Variants in RALYL observed in about 807,000 individuals in gnomAD.
RALYL encodes the protein RNA-binding Raly-like protein.
Under a neutral mutation model 35.1 loss-of-function variants are expected in RALYL, and 29 were observed. The ratio of observed to expected loss-of-function variants is 0.83; its 90% CI spans 0.61 to 1.13. The LOEUF (loss-of-function observed/expected upper bound fraction) is 1.13, where lower values mean the gene tolerates loss of function less well. Ranked by LOEUF, RALYL falls within the 50% of genes most tolerant of loss-of-function variation. The pLI, the probability that RALYL is intolerant of heterozygous loss-of-function variation, is 0.00. For missense variants in RALYL, 359 were observed against 360.4 expected (o/e 1.00, Z 0.03); for synonymous variants, 120 against 127.6 (o/e 0.94, Z 0.40).
intron 4 of RALYL, among the ~76,000 whole-genome samples, chr8:84,824,341 C>G (rs557858360): frequency 2.0e-5 from 3 of 151,242 alleles, no homozygotes; most frequent in Non-Finnish European, 4.4e-5. Context: ...CTACAAAACA[C>G]TGTTCAAAGA....
intron 1 of RALYL, among the ~76,000 whole-genome samples, chr8:84,348,618 G>A (rs1205001142): frequency 6.6e-6 from 1 of 151,976 alleles, no homozygotes; most frequent in Non-Finnish European, 1.5e-5. Flanking sequence ...CTGCTTTATC[G>A]ACCGTAAACA....
chr8:84,910,126 C>T (rs113762279), intron 8 of RALYL, among the ~76,000 whole-genome samples: 1,746 of 152,214 alleles, frequency 0.011, 20 homozygotes, highest in Middle Eastern at 0.031. Context: ...CTTAGCACAC[C>T]TACACAATGC....
intron 2 of RALYL, among the ~76,000 whole-genome samples, chr8:84,673,983 C>A (rs1833738606): frequency 6.6e-6 from 1 of 152,108 alleles, no homozygotes; most frequent in South Asian, 2.1e-4. Flanking sequence ...TGGCTATTTT[C>A]ATGATATTGA....
intron 2 of RALYL, among the ~76,000 whole-genome samples, chr8:84,590,816 A>G (rs551666221): frequency 2.1e-4 from 32 of 152,272 alleles, no homozygotes; most frequent in African/African-American, 7.5e-4. Flanking sequence ...GGAAGTAATG[A>G]TTATATGACT....
intron 1 of RALYL, among the ~76,000 whole-genome samples, chr8:84,240,108 C>CA (rs1455288226): frequency 6.6e-6 from 1 of 151,956 alleles, no homozygotes; most frequent in Non-Finnish European, 1.5e-5. Context: ...CACTGTTTGA[C>CA]AATATTATTG....
chr8:84,418,776 TA>T (rs146444612), intron 1 of RALYL, among the ~76,000 whole-genome samples: 4,459 of 152,266 alleles, frequency 0.029, 217 homozygotes, highest in African/African-American at 0.1. Context: ...ACCATTAGTT[TA>T]TTTAAGTTCA....
At position 84,840,155 on chromosome 8, in the gene RALYL, C is replaced by T. The variant is rs191921268; in HGVS notation, c.366-9825C>T. Among the ~76,000 whole-genome samples the T allele has an allele frequency of 1.1e-3, 166 of 151,714 alleles. 1 individual carries two copies. The highest frequency in any genetic ancestry group is 3.3e-3 in the African/African-American group (137 of 41,366). On this transcript the variant is annotated intron_variant, in intron 4 of 8. Coordinates refer to ENST00000521268, the MANE Select transcript of RALYL (RefSeq NM_173848.7). Reference sequence around the variant, plus strand: ...CGAGTTGAGAGAATAAGGCTTCAGACGATCAAACTACTCCGAGCTAAAGGA... The same window carrying T: ...CGAGTTGAGAGAATAAGGCTTCAGATGATCAAACTACTCCGAGCTAAAGGA...
At chr8:84,668,723 T>G (rs1832580734) in intron 2 of RALYL, among the ~76,000 whole-genome samples, 1 of 152,160 alleles carries the variant, frequency 6.6e-6, no homozygotes, top group Admixed American at 6.6e-5. Flanking sequence ...AACATAATTT[T>G]GTTATGATGA....
intron 4 of RALYL, among the ~76,000 whole-genome samples, chr8:84,840,494 G>A (rs147812435): frequency 1.2e-4 from 18 of 152,208 alleles, no homozygotes; most frequent in Non-Finnish European, 2.1e-4. Context: ...CGCCTGACTG[G>A]TGTACCTGAA....
At chr8:84,335,762 C>T (rs1285888319) in intron 1 of RALYL, among the ~76,000 whole-genome samples, 6 of 99,886 alleles carry the variant, frequency 6.0e-5, no homozygotes, top group African/African-American at 2.1e-4. Flanking sequence ...ATTTGCTCAT[C>T]TTACTTGGTG....
intron 4 of RALYL, among the ~76,000 whole-genome samples, chr8:84,809,207 G>C (rs181362713): frequency 3.9e-4 from 59 of 152,172 alleles, no homozygotes; most frequent in Non-Finnish European, 7.2e-4. Context: ...GCTGGATTTT[G>C]TCAGATGCTT....
At chr8:84,559,105 A>G (rs549602760) in intron 2 of RALYL, among the ~76,000 whole-genome samples, 2 of 152,032 alleles carry the variant, frequency 1.3e-5, no homozygotes, top group South Asian at 2.1e-4. Flanking sequence ...CATTTTTTTT[A>G]AATTACTGAG....
chr8:84,537,596 C>G (rs748307867), intron 2 of RALYL, among the ~76,000 whole-genome samples: 28 of 151,824 alleles, frequency 1.8e-4, no homozygotes, highest in Non-Finnish European at 3.2e-4. Context: ...TTTGTTTCAT[C>G]TTTTCTGAGA....
chr8:84,412,314 C>T (rs2044186864), intron 1 of RALYL, among the ~76,000 whole-genome samples: 1 of 151,882 alleles, frequency 6.6e-6, no homozygotes, highest in South Asian at 2.1e-4. Flanking sequence ...TGTAGGTGCT[C>T]ATTACAATTT....
At chr8:84,193,694 A>T (rs1462013914) in intron 1 of RALYL, among the ~76,000 whole-genome samples, 1 of 152,162 alleles carries the variant, frequency 6.6e-6, no homozygotes, top group Admixed American at 6.5e-5. Context: ...ATATAGAAAG[A>T]TTCTAGAGCT....
intron 1 of RALYL, among the ~76,000 whole-genome samples, chr8:84,215,317 CA>C (rs1820534255): frequency 6.6e-6 from 1 of 151,890 alleles, no homozygotes; most frequent in Non-Finnish European, 1.5e-5. Context: ...CATTATGATT[CA>C]AATATGGAAA....
At chr8:84,486,612 G>C (rs529307807) in intron 1 of RALYL, among the ~76,000 whole-genome samples, 168 of 151,860 alleles carry the variant, frequency 1.1e-3, no homozygotes, top group African/African-American at 3.9e-3. Context: ...TCAAATAAGA[G>C]ATACACAAAA....
chr8:84,282,713 T>G (rs1244967973), intron 1 of RALYL, among the ~76,000 whole-genome samples: 1 of 148,918 alleles, frequency 6.7e-6, no homozygotes, highest in African/African-American at 2.5e-5. Context: ...TACATATATA[T>G]GTGTGTATAT....
chr8:84,697,034 T>C (rs1340730252), intron 2 of RALYL, among the ~76,000 whole-genome samples: 1 of 151,954 alleles, frequency 6.6e-6, no homozygotes, highest in Non-Finnish European at 1.5e-5. Context: ...TGTAGTGTAA[T>C]TATAACTAAA....
Sources: gnomAD v4.1 joint callset for allele counts (sites outside exome capture counted in the v4.1 genomes callset) on GRCh38, gnomAD v4.1.1 for gene constraint, MANE v1.5 for transcripts, NCBI Gene and HGNC (gene_info 2026-07-23, HGNC 2026-07-21) for gene names.